The following RORB variants were observed in gnomAD, a reference collection of about 807,000 sequenced individuals.
RORB encodes nuclear receptor ROR-beta.
In RORB, 6 loss-of-function variants were observed where a neutral mutation model predicts 59.1. That is an observed-to-expected ratio of 0.10 (90% CI 0.06 to 0.20). The LOEUF (loss-of-function observed/expected upper bound fraction) is 0.20. RORB is among the 10% of genes least tolerant of loss of function. The probability of loss-of-function intolerance (pLI) is 1.00; values close to 1 mark genes in which losing one functional copy is unlikely to be tolerated. For missense variants in RORB, 320 were observed against 560.5 expected, an observed-to-expected ratio of 0.57 and a Z score of 4.33; for synonymous variants, 215 against 204.5, an observed-to-expected ratio of 1.05 and a Z score of -0.44.
intron 4 of RORB, among the ~76,000 whole-genome samples, chr9:74,649,085 T>A (rs1365188236): frequency 2.0e-5 from 3 of 151,902 alleles, no homozygotes; most frequent in Admixed American, 1.3e-4. Flanking sequence ...TGCCTCAGCA[T>A]CTCAAGTAGC....
chr9:74,604,479 T>C (rs956285), intron 1 of RORB, among the ~76,000 whole-genome samples: 26,907 of 152,214 alleles, frequency 0.18, 2,443 homozygotes, highest in Admixed American at 0.22. Flanking sequence ...ATCCATTCTA[T>C]GACTGTTTTT....
intron 1 of RORB, among the ~76,000 whole-genome samples, chr9:74,523,575 T>G (rs1254386976): frequency 6.6e-6 from 1 of 151,950 alleles, no homozygotes; most frequent in Non-Finnish European, 1.5e-5. Flanking sequence ...TGTACATATA[T>G]GAACAATTCA....
intron 9 of RORB, among the ~76,000 whole-genome samples, chr9:74,682,727 G>A (rs1024702139): frequency 4.6e-5 from 7 of 152,240 alleles, no homozygotes; most frequent in Non-Finnish European, 8.8e-5. Context: ...TAGTTCAGAG[G>A]ACTGTTTCAA....
intron 1 of RORB, among the ~76,000 whole-genome samples, chr9:74,546,703 G>T (rs1482401837): frequency 6.6e-6 from 1 of 152,180 alleles, no homozygotes; most frequent in Admixed American, 6.5e-5. Context: ...CTGTGGATTT[G>T]ATTGCTGTTG....
At chr9:74,551,758 C>G (rs1404645573) in intron 1 of RORB, among the ~76,000 whole-genome samples, 1 of 152,138 alleles carries the variant, frequency 6.6e-6, no homozygotes, top group East Asian at 1.9e-4. Context: ...CAGAGTATCT[C>G]TCAGGAATGC....
chr9:74,623,441 C>T (rs1448339276), intron 1 of RORB, among the ~76,000 whole-genome samples: 1 of 145,460 alleles, frequency 6.9e-6, no homozygotes, highest in Non-Finnish European at 1.5e-5. Flanking sequence ...TTTTCTCTCT[C>T]TTTTTTTTTT....
At chr9:74,535,049 C>A (rs913111393) in intron 1 of RORB, among the ~76,000 whole-genome samples, 4 of 152,022 alleles carry the variant, frequency 2.6e-5, no homozygotes, top group African/African-American at 9.7e-5. Context: ...TAAGTTGTGA[C>A]AGCGCATCAC....
chr9:74,530,276 T>C (rs961764215), intron 1 of RORB, among the ~76,000 whole-genome samples: 1 of 152,032 alleles, frequency 6.6e-6, no homozygotes, highest in Non-Finnish European at 1.5e-5. Context: ...CCTTTAGGTT[T>C]AGCAAAGTCA....
intron 1 of RORB, among the ~76,000 whole-genome samples, chr9:74,508,598 T>C (rs1825897518): frequency 6.6e-6 from 1 of 152,004 alleles, no homozygotes; most frequent in Non-Finnish European, 1.5e-5. Context: ...GTGAAGAAGG[T>C]GTAAATGTAA....
chr9:74,659,044 G>A (rs1824136313), intron 4 of RORB, among the ~76,000 whole-genome samples: 1 of 152,118 alleles, frequency 6.6e-6, no homozygotes, highest in Non-Finnish European at 1.5e-5. Flanking sequence ...TATCTCCACT[G>A]AATTGTATCT....
chr9:74,516,909 T>C (rs1341268176), intron 1 of RORB, among the ~76,000 whole-genome samples: 2 of 152,046 alleles, frequency 1.3e-5, no homozygotes, highest in African/African-American at 4.8e-5. Context: ...ACCATCTCAC[T>C]GAATATTATT....
intron 1 of RORB, among the ~76,000 whole-genome samples, chr9:74,567,499 G>T (rs200314546): frequency 2.6e-5 from 4 of 152,150 alleles, no homozygotes; most frequent in African/African-American, 9.7e-5. Context: ...TTCAGAGTAG[G>T]TAATGGCAAG....
chr9:74,650,328 T>C (rs1293278251), intron 4 of RORB, among the ~76,000 whole-genome samples: 1 of 152,216 alleles, frequency 6.6e-6, no homozygotes, highest in African/African-American at 2.4e-5. Context: ...GGTGAATGTA[T>C]TAGCCACATT....
chr9:74,671,934 A>G (rs753071324), intron 9 of RORB, 33 bp downstream of exon 9: 3 of 1,246,874 alleles, frequency 2.4e-6, no homozygotes, highest in South Asian at 1.3e-5. Context: ...CACCACCACC[A>G]AAAGAGAGCA....
intron 9 of RORB, 90 bp downstream of exon 9, chr9:74,671,991 A>C: frequency 1.5e-6 from 1 of 673,110 alleles, no homozygotes; most frequent in South Asian, 2.1e-5. Flanking sequence ...ATTTCTCAGC[A>C]GCAACAATTT....
chr9:74,538,509 A>G (rs1452209718), intron 1 of RORB, among the ~76,000 whole-genome samples: 4 of 152,112 alleles, frequency 2.6e-5, no homozygotes, highest in African/African-American at 9.7e-5. Flanking sequence ...ATTTATTGTG[A>G]AAGTGCTTCC....
intron 1 of RORB, among the ~76,000 whole-genome samples, chr9:74,527,737 G>A (rs934903782): frequency 2.0e-5 from 3 of 152,002 alleles, no homozygotes; most frequent in Non-Finnish European, 4.4e-5. Flanking sequence ...ACCATATCCT[G>A]TGCCTGTCTT....
At chr9:74,565,243 CT>C (rs1016283630) in intron 1 of RORB, among the ~76,000 whole-genome samples, 1 of 152,182 alleles carries the variant, frequency 6.6e-6, no homozygotes, top group African/African-American at 2.4e-5. Flanking sequence ...AGAAAGGGTC[CT>C]GTGCAAAATT....
intron 4 of RORB, among the ~76,000 whole-genome samples, chr9:74,656,324 A>AT (rs1160538851): frequency 6.6e-6 from 1 of 152,192 alleles, no homozygotes; most frequent in Non-Finnish European, 1.5e-5. Flanking sequence ...CATCTCTGTC[A>AT]TTATGACCTA....
Sources: gnomAD v4.1 joint callset for allele counts (sites outside exome capture counted in the v4.1 genomes callset) on GRCh38, gnomAD v4.1.1 for gene constraint, MANE v1.5 for transcripts, NCBI Gene and HGNC (gene_info 2026-07-23, HGNC 2026-07-21) for gene names.